The following CPAMD8 variants were observed in gnomAD, a reference collection of about 807,000 sequenced individuals.
CPAMD8 encodes the protein C3 and PZP-like alpha-2-macroglobulin domain-containing protein 8.
Under a neutral mutation model 224.7 loss-of-function variants are expected in CPAMD8, and 146 were observed. That is an observed-to-expected ratio of 0.65 (90% CI 0.57 to 0.75). The LOEUF (loss-of-function observed/expected upper bound fraction) is 0.75. Among genes scored for constraint, CPAMD8 ranks in the 30% least tolerant of loss-of-function variants. The pLI is 0.00. For missense variants in CPAMD8, 2,301 were observed against 2,537.5 expected (o/e 0.91, Z 2.00); for synonymous variants, 966 against 1,044.6 (o/e 0.92, Z 1.45).
chr19:16,943,178 G>A (rs1387205897), intron 22 of CPAMD8, among the ~76,000 whole-genome samples: 2 of 151,618 alleles, frequency 1.3e-5, no homozygotes, highest in Non-Finnish European at 2.9e-5. Context: ...ACCACGCCCA[G>A]CTAATTTTTG....
intron 11 of CPAMD8, among the ~76,000 whole-genome samples, chr19:16,994,973 C>T (rs2056079177): frequency 6.6e-6 from 1 of 152,144 alleles, no homozygotes; most frequent in African/African-American, 2.4e-5. Flanking sequence ...AGCCTAACCA[C>T]TCCTTTCTTG....
chr19:16,919,045 A>G (rs1242871623), intron 27 of CPAMD8, among the ~76,000 whole-genome samples: 1 of 151,984 alleles, frequency 6.6e-6, no homozygotes, highest in Admixed American at 6.6e-5. Context: ...TCTATTAAAA[A>G]TACAAAAATT....
intron 19 of CPAMD8, 133 bp downstream of exon 19, chr19:16,957,720 T>C: frequency 1.2e-6 from 1 of 807,034 alleles, no homozygotes. Context: ...TTTTGTGTGT[T>C]AGAAAAAGAT....
intron 22 of CPAMD8, among the ~76,000 whole-genome samples, chr19:16,940,861 T>A (rs2353101): frequency 0.6 from 91,468 of 152,118 alleles, 27,921 homozygotes; most frequent in African/African-American, 0.68. Flanking sequence ...CCCATCTACC[T>A]GCCTGGCCCC....
At chr19:17,016,768 GAGAA>G (rs546214029) in intron 3 of CPAMD8, among the ~76,000 whole-genome samples, 83 of 151,994 alleles carry the variant, frequency 5.5e-4, no homozygotes, top group African/African-American at 1.9e-3. Flanking sequence ...TCCAAAAAGA[GAGAA>G]AGAGAGAGAA....
At chr19:16,913,580 T>C (rs149064931) in intron 29 of CPAMD8, among the ~76,000 whole-genome samples, 3 of 152,180 alleles carry the variant, frequency 2.0e-5, no homozygotes, top group Admixed American at 6.6e-5. Flanking sequence ...TAAATGCCTA[T>C]TGTTGAAGCC....
At chr19:16,999,853 G>C (rs1421694261) in intron 10 of CPAMD8, among the ~76,000 whole-genome samples, 1 of 151,940 alleles carries the variant, frequency 6.6e-6, no homozygotes, top group Non-Finnish European at 1.5e-5. Context: ...TTTTTGAGAT[G>C]GAGTCTCACT....
intron 20 of CPAMD8, among the ~76,000 whole-genome samples, chr19:16,947,864 T>C (rs114093192): frequency 6.6e-6 from 1 of 152,214 alleles, no homozygotes; most frequent in Non-Finnish European, 1.5e-5. Flanking sequence ...AGTTTCTGCA[T>C]GCATGTGTGT....
At chr19:16,993,385 T>G in intron 12 of CPAMD8, 31 bp downstream of exon 12, 1 of 1,596,380 alleles carries the variant, frequency 6.3e-7, no homozygotes, top group Non-Finnish European at 8.5e-7. Flanking sequence ...ACCTGCTGGC[T>G]GAATAACAAG....
rs909019477 is a variant in CPAMD8, at chr19:16,989,692, G to C, written c.1346C>G (p.Ser449Cys). 4 of 1,613,960 alleles carry C rather than the reference G, an allele frequency of 2.5e-6. No homozygotes were observed. The highest frequency in any genetic ancestry group is 2.7e-5 in the African/African-American group (2 of 74,940). Residue 449 changes from serine (S) to cysteine (C), a missense_variant, in exon 13 of 42, where the codon TCC becomes TGC. Ser to Cys is a moderately radical substitution (Grantham distance 112, BLOSUM62 -1). Around this residue, in one of 4 missense-constraint regions of CPAMD8, gnomAD observed 301 missense variants for 406.6 expected, o/e 0.74. Coordinates refer to ENST00000443236, the MANE Select transcript of CPAMD8 (RefSeq NM_015692.5). Reference protein sequence around the residue: ...PSYLSLGSWYSPSQCYLQLQP... With the variant: ...PSYLSLGSWYCPSQCYLQLQP... ...CAGCTGCAGGTAGCACTGGCTGGGG[G>C]AGTACCAGCTGCCGAGGGAGAGGTA...
At chr19:16,905,229 C>A (rs1408146199) in intron 30 of CPAMD8, among the ~76,000 whole-genome samples, 1 of 151,816 alleles carries the variant, frequency 6.6e-6, no homozygotes, top group Non-Finnish European at 1.5e-5. Context: ...GCCTGGGTGA[C>A]AGAGTGAGAC....
At chr19:16,902,529 C>G in intron 35 of CPAMD8, 120 bp downstream of exon 35, 1 of 655,200 alleles carries the variant, frequency 1.5e-6, no homozygotes, top group Non-Finnish European at 2.7e-6. Flanking sequence ...AAAAACAAAA[C>G]AAAACAAAAA....
intron 22 of CPAMD8, among the ~76,000 whole-genome samples, chr19:16,941,709 T>C (rs1157923805): frequency 6.6e-6 from 1 of 152,198 alleles, no homozygotes; most frequent in African/African-American, 2.4e-5. Flanking sequence ...GCACGGTGGC[T>C]CACGCCTGTA....
At chr19:16,980,346 G>A (rs1178164608) in intron 14 of CPAMD8, 151 bp downstream of exon 14, 5 of 658,950 alleles carry the variant, frequency 7.6e-6, no homozygotes, top group Non-Finnish European at 1.3e-5. Flanking sequence ...CCTGGACCCA[G>A]TCTGGTATTG....
chr19:16,915,175 G>GTCCT (rs146214474), intron 27 of CPAMD8, among the ~76,000 whole-genome samples: 4,484 of 151,936 alleles, frequency 0.03, 212 homozygotes, highest in African/African-American at 0.1. Context: ...TTCTTGCTTG[G>GTCCT]TCCTTGCCAA....
At position 16,895,921 on chromosome 19, in the gene CPAMD8, A is replaced by G. The variant is rs764748911; in HGVS notation, c.5426+255T>C. On this transcript the variant is annotated intron_variant, in intron 41 of 41. Coordinates refer to ENST00000443236, the MANE Select transcript of CPAMD8 (RefSeq NM_015692.5). ...CGCGCACGCACACACACACACACAC[A>G]CACACACGCGCGCGTGCGCCCGCGC... 108 of 606,784 alleles carry G rather than the reference A, an allele frequency of 1.8e-4. 1 individual carries two copies. Among genetic ancestry groups the G allele is most frequent in the African/African-American group, 9.2e-4 (48 of 52,268 alleles). 37.6% of individuals were successfully genotyped at this position (606,784 alleles called of 1,614,324 possible).
At chr19:17,013,047 G>T (rs1369808863) in intron 3 of CPAMD8, among the ~76,000 whole-genome samples, 1 of 151,836 alleles carries the variant, frequency 6.6e-6, no homozygotes, top group African/African-American at 2.4e-5. Flanking sequence ...CAGCTGTGGT[G>T]GTGGGCACCT....
intron 27 of CPAMD8, among the ~76,000 whole-genome samples, chr19:16,915,929 TTC>T (rs745967282): frequency 2.0e-5 from 3 of 151,056 alleles, no homozygotes; most frequent in Non-Finnish European, 4.4e-5. Context: ...TCCTTCCTTT[TTC>T]TCTCTCTCTT....
chr19:16,986,770 C>T (rs2055735418), intron 13 of CPAMD8, among the ~76,000 whole-genome samples: 1 of 152,102 alleles, frequency 6.6e-6, no homozygotes, highest in African/African-American at 2.4e-5. Flanking sequence ...GAGCCAGAGG[C>T]TCTGCTGGGA....
Sources: gnomAD v4.1 joint callset for allele counts (sites outside exome capture counted in the v4.1 genomes callset) on GRCh38, gnomAD v4.1.1 for gene constraint, gnomAD v4.1.1 regional missense constraint, MANE v1.5 for transcripts, NCBI Gene and HGNC (gene_info 2026-07-23, HGNC 2026-07-21) for gene names.